Variants in GRID2 observed in about 807,000 individuals in gnomAD.
GRID2 encodes glutamate ionotropic receptor delta type subunit 2.
A neutral mutation model predicts 114.8 loss-of-function variants in GRID2; 33 were observed. The ratio of observed to expected loss-of-function variants is 0.29; its 90% CI spans 0.22 to 0.38. The LOEUF (loss-of-function observed/expected upper bound fraction) is 0.38, where lower values mean the gene tolerates loss of function less well. Among genes scored for constraint, GRID2 ranks in the 10% least tolerant of loss-of-function variants. GRID2 has a pLI of 1.00. For synonymous variants in GRID2, 505 were observed against 449.9 expected (o/e 1.12, Z -1.55); for missense variants, 1,184 against 1,257.7 (o/e 0.94, Z 0.89).
intron 8 of GRID2, among the ~76,000 whole-genome samples, chr4:93,242,571 G>T (rs1030276052): frequency 1.3e-5 from 2 of 152,062 alleles, no homozygotes; most frequent in Non-Finnish European, 2.9e-5. Context: ...AACTGAACAT[G>T]AATGGCAATG....
At chr4:93,765,699 TAAG>T (rs1733610684) in intron 14 of GRID2, among the ~76,000 whole-genome samples, 2 of 150,322 alleles carry the variant, frequency 1.3e-5, no homozygotes, top group Non-Finnish European at 3.0e-5. Context: ...TTAGAAAGAA[TAAG>T]GAGACAAAAT....
intron 14 of GRID2, among the ~76,000 whole-genome samples, chr4:93,720,912 G>A (rs527567154): frequency 1.3e-5 from 2 of 152,268 alleles, no homozygotes; most frequent in South Asian, 4.1e-4. Flanking sequence ...TGTTGTTGCT[G>A]CTGCTGCTGT....
At chr4:93,574,952 C>T (rs977395962) in intron 13 of GRID2, among the ~76,000 whole-genome samples, 5 of 152,144 alleles carry the variant, frequency 3.3e-5, no homozygotes, top group African/African-American at 1.2e-4. Context: ...TTCACTCACT[C>T]GTCTGGTGCC....
chr4:92,785,138 C>G (rs1282391843), intron 2 of GRID2, among the ~76,000 whole-genome samples: 1 of 148,392 alleles, frequency 6.7e-6, no homozygotes, highest in Non-Finnish European at 1.5e-5. Flanking sequence ...TAGTACCACT[C>G]ATGCATTTCC....
intron 13 of GRID2, among the ~76,000 whole-genome samples, chr4:93,619,129 C>A (rs1741980809): frequency 6.6e-6 from 1 of 151,976 alleles, no homozygotes; most frequent in South Asian, 2.1e-4. Context: ...TGTCAGAGCA[C>A]AAATTAAAAT....
intron 2 of GRID2, among the ~76,000 whole-genome samples, chr4:92,913,536 T>G (rs978484332): frequency 6.6e-6 from 1 of 151,978 alleles, no homozygotes; most frequent in Non-Finnish European, 1.5e-5. Context: ...GAGACCAATT[T>G]CCTGCATGAA....
chr4:93,606,859 A>T (rs1740291686), intron 13 of GRID2, among the ~76,000 whole-genome samples: 1 of 152,176 alleles, frequency 6.6e-6, no homozygotes, highest in Non-Finnish European at 1.5e-5. Flanking sequence ...TTTACTGTAT[A>T]TGTTAATGAT....
At chr4:93,565,008 A>G (rs924820941) in intron 13 of GRID2, among the ~76,000 whole-genome samples, 2 of 152,120 alleles carry the variant, frequency 1.3e-5, no homozygotes. Context: ...GAAATATTAT[A>G]TGGCTTTTGA....
At chr4:92,662,641 C>T (rs941503640) in intron 2 of GRID2, among the ~76,000 whole-genome samples, 5 of 150,844 alleles carry the variant, frequency 3.3e-5, no homozygotes, top group African/African-American at 4.8e-5. Context: ...TATTGTGAAT[C>T]GTTTTTGCTG....
chr4:92,384,636 ATATT>A (rs1729842668), intron 1 of GRID2, among the ~76,000 whole-genome samples: 2 of 95,464 alleles, frequency 2.1e-5, no homozygotes, highest in Non-Finnish European at 3.9e-5. Flanking sequence ...TATATAATAT[ATATT>A]ATATATAATA....
At chr4:92,751,353 G>T (rs1222848215) in intron 2 of GRID2, among the ~76,000 whole-genome samples, 2 of 152,064 alleles carry the variant, frequency 1.3e-5, no homozygotes, top group African/African-American at 4.8e-5. Context: ...TCAATTATTT[G>T]TCAGCTATAA....
intron 14 of GRID2, among the ~76,000 whole-genome samples, chr4:93,687,660 G>A (rs1365306645): frequency 2.0e-5 from 3 of 151,956 alleles, no homozygotes; most frequent in Non-Finnish European, 4.4e-5. Flanking sequence ...GAGAAGTTTG[G>A]GGAGAATAGT....
At chr4:92,973,221 A>G (rs1753640950) in intron 2 of GRID2, among the ~76,000 whole-genome samples, 1 of 152,172 alleles carries the variant, frequency 6.6e-6, no homozygotes, top group Non-Finnish European at 1.5e-5. Flanking sequence ...TCAAAGACCT[A>G]AGGAGAAATA....
At chr4:92,571,020 G>T (rs920335024) in intron 1 of GRID2, among the ~76,000 whole-genome samples, 1 of 152,008 alleles carries the variant, frequency 6.6e-6, no homozygotes, top group African/African-American at 2.4e-5. Flanking sequence ...AGCTTGTCTT[G>T]TGCCGGTTTT....
At chr4:92,704,405 C>G (rs1335927558) in intron 2 of GRID2, among the ~76,000 whole-genome samples, 1 of 152,076 alleles carries the variant, frequency 6.6e-6, no homozygotes, top group African/African-American at 2.4e-5. Flanking sequence ...GTTATTACCC[C>G]ACATTAATCA....
At chr4:92,879,287 C>T (rs1019637417) in intron 2 of GRID2, among the ~76,000 whole-genome samples, 3 of 152,144 alleles carry the variant, frequency 2.0e-5, no homozygotes, top group Admixed American at 1.3e-4. Flanking sequence ...ACTGATGTGA[C>T]TGACCCTTGT....
intron 1 of GRID2, among the ~76,000 whole-genome samples, chr4:92,545,456 A>T (rs1726198962): frequency 6.6e-6 from 1 of 152,160 alleles, no homozygotes; most frequent in Non-Finnish European, 1.5e-5. Flanking sequence ...ACGTCCAGTG[A>T]ATTCAGGTTA....
intron 4 of GRID2, among the ~76,000 whole-genome samples, chr4:93,175,239 C>T (rs868180394): frequency 4.4e-4 from 67 of 152,080 alleles, no homozygotes; most frequent in African/African-American, 1.5e-3. Context: ...GGCATGATCT[C>T]GGCTCACCGC....
intron 13 of GRID2, 59 bp from the exon 14 acceptor site, chr4:93,626,210 G>A: frequency 2.3e-6 from 2 of 874,672 alleles, no homozygotes; most frequent in South Asian, 3.1e-5. Context: ...TCCTGTCTAT[G>A]TAAATTAAAA....
Sources: gnomAD v4.1 joint callset for allele counts (sites outside exome capture counted in the v4.1 genomes callset) on GRCh38, gnomAD v4.1.1 for gene constraint, MANE v1.5 for transcripts, NCBI Gene and HGNC (gene_info 2026-07-23, HGNC 2026-07-21) for gene names.